Variants in LARS2 observed in about 807,000 individuals in gnomAD.
The protein encoded by LARS2 is leucyl-tRNA synthetase 2, mitochondrial, also known as leucine--tRNA ligase, mitochondrial.
A neutral mutation model predicts 116.6 loss-of-function variants in LARS2; 81 were observed. The ratio of observed to expected loss-of-function variants is 0.69; its 90% confidence interval spans 0.58 to 0.84. The LOEUF (loss-of-function observed/expected upper bound fraction) is 0.84, where lower values mean the gene tolerates loss of function less well. LARS2 is among the 40% of genes least tolerant of loss of function. The pLI, the probability that LARS2 is intolerant of heterozygous loss-of-function variation, is 0.00. For missense variants in LARS2, 968 were observed against 1,114.5 expected (o/e 0.87, Z 1.87); for synonymous variants, 396 against 407.2 (o/e 0.97, Z 0.33).
intron 8 of LARS2, among the ~76,000 whole-genome samples, chr3:45,473,393 T>G (rs1699559781): frequency 2.8e-5 from 2 of 71,728 alleles, no homozygotes; most frequent in Non-Finnish European, 6.3e-5. Flanking sequence ...TTGTTTTTTG[T>G]TTTTTTTTTG....
At chr3:45,416,539 G>A (rs116030648) in intron 4 of LARS2, among the ~76,000 whole-genome samples, 4,326 of 152,284 alleles carry the variant, frequency 0.028, 78 homozygotes, top group Middle Eastern at 0.058. Context: ...AGAGCCACCA[G>A]TGTGGTCATT....
intron 1 of LARS2, among the ~76,000 whole-genome samples, chr3:45,389,261 T>C (rs1697897197): frequency 6.6e-6 from 1 of 152,172 alleles, no homozygotes; most frequent in Non-Finnish European, 1.5e-5. Flanking sequence ...TTTTTTTTTT[T>C]CTGCCTCCTA....
intron 15 of LARS2, among the ~76,000 whole-genome samples, chr3:45,500,948 C>T (rs1231384591): frequency 1.3e-5 from 2 of 151,916 alleles, no homozygotes; most frequent in African/African-American, 4.8e-5. Context: ...GGCTGAATCC[C>T]ACCTTGATGC....
chr3:45,513,219 G>A lies in LARS2; in HGVS notation c.1845G>A (p.Glu615=), dbSNP rs376209821. 3 of 1,610,152 alleles carry A rather than the reference G, an allele frequency of 1.9e-6. No individual in the cohort carries two copies. Among genetic ancestry groups the A allele is most frequent in the Non-Finnish European group, 2.6e-6 (3 of 1,176,430 alleles). The stretch of plus-strand genomic sequence containing the variant: ...CATCTGGACAGTATCTACAGAGAGA[G>A]GAAGTGGATCTCACAGGTAAGAATG... ...RLPSGQYLQR[E]EVDLTGSVPV... The change falls in exon 16 of 22, where the codon GAG becomes GAA. Residue 615 remains glutamate, a synonymous_variant. Transcript: ENST00000645846.
At chr3:45,498,107 T>A (rs1397016729) in intron 14 of LARS2, among the ~76,000 whole-genome samples, 1 of 152,148 alleles carries the variant, frequency 6.6e-6, no homozygotes, top group African/African-American at 2.4e-5. Context: ...TGGCTTAGAA[T>A]GCAAGTGAGG....
chr3:45,443,928 C>T (rs182795839), intron 6 of LARS2, among the ~76,000 whole-genome samples: 147 of 152,020 alleles, frequency 9.7e-4, no homozygotes, highest in African/African-American at 3.2e-3. Flanking sequence ...AATGCCCTTT[C>T]GTTACAGGTT....
intron 20 of LARS2, among the ~76,000 whole-genome samples, chr3:45,530,424 G>T (rs1365679190): frequency 6.6e-6 from 1 of 152,142 alleles, no homozygotes. Flanking sequence ...GGAGGCTGAG[G>T]CAGGAGAGTT....
chr3:45,402,991 G>A (rs1380477518), intron 4 of LARS2, among the ~76,000 whole-genome samples: 6 of 151,580 alleles, frequency 4.0e-5, no homozygotes, highest in Non-Finnish European at 7.4e-5. Context: ...TGTAATCTGA[G>A]CTACTCGGGA....
chr3:45,399,463 GT>G, intron 3 of LARS2, among the ~76,000 whole-genome samples: 1 of 143,250 alleles, frequency 7.0e-6, no homozygotes, highest in East Asian at 2.0e-4. Context: ...AAAGAGAAGT[GT>G]TTTTTTGTTT....
At chr3:45,435,296 G>GGGAT (rs1698780105) in intron 6 of LARS2, among the ~76,000 whole-genome samples, 1 of 152,110 alleles carries the variant, frequency 6.6e-6, no homozygotes, top group Admixed American at 6.5e-5. Flanking sequence ...CACCAAGAGG[G>GGGAT]GGATGGATTG....
chr3:45,394,075 A>G (rs1045818735), intron 2 of LARS2, among the ~76,000 whole-genome samples: 1 of 152,170 alleles, frequency 6.6e-6, no homozygotes, highest in Non-Finnish European at 1.5e-5. Flanking sequence ...GCTTGAAGAC[A>G]TAAGAAGTGA....
chr3:45,540,216 G>A (rs1169535615), intron 20 of LARS2, among the ~76,000 whole-genome samples: 10 of 151,560 alleles, frequency 6.6e-5, no homozygotes, highest in Admixed American at 2.0e-4. Flanking sequence ...CCAAGATCGC[G>A]CCACTGCACT....
intron 12 of LARS2, among the ~76,000 whole-genome samples, chr3:45,489,949 C>T (rs1303832985): frequency 6.6e-6 from 1 of 152,154 alleles, no homozygotes; most frequent in Non-Finnish European, 1.5e-5. Context: ...CTTACAGGTC[C>T]CATCTTGGCT....
intron 13 of LARS2, among the ~76,000 whole-genome samples, chr3:45,493,216 C>T (rs1699953714): frequency 6.6e-6 from 1 of 152,150 alleles, no homozygotes; most frequent in Non-Finnish European, 1.5e-5. Context: ...TATCCTGCCT[C>T]AGCCTCCCGA....
At chr3:45,547,230 C>T in intron 21 of LARS2, 121 bp from the exon 22 acceptor site, 1 of 873,324 alleles carries the variant, frequency 1.1e-6, no homozygotes, top group East Asian at 2.6e-5. Context: ...CTTTCTCCAC[C>T]TCTATTCCTT....
intron 1 of LARS2, chr3:45,388,938 CCCT>C (rs1388667411): frequency 4.6e-5 from 7 of 152,212 alleles, no homozygotes; most frequent in African/African-American, 1.7e-4. Flanking sequence ...ACTCAAGCTC[CCCT>C]CTCCACTACT....
At chr3:45,449,088 G>A (rs1165656873) in intron 7 of LARS2, among the ~76,000 whole-genome samples, 5 of 152,118 alleles carry the variant, frequency 3.3e-5, no homozygotes, top group Admixed American at 2.0e-4. Context: ...ATCATCCTAC[G>A]GTAGAAGGTG....
rs994713309 is a variant in LARS2 at position 45,547,687 on chromosome 3, C to T, written c.*157C>T. The T allele has an allele frequency of 4.3e-5, 28 of 653,906 alleles. No individual in the cohort carries two copies. Among genetic ancestry groups the T allele is most frequent in the Non-Finnish European group, 7.2e-5 (28 of 390,534 alleles). The allele number at this position is 653,906 out of a possible 1,614,324, so 40.5% of individuals were successfully genotyped here. On this transcript the variant is annotated 3_prime_UTR_variant, in exon 22 of 22. Coordinates refer to ENST00000645846, the MANE Select transcript of LARS2 (RefSeq NM_015340.4). ...GCAGACTGCAGTCAACAGTGTGCCT[C>T]TGTAGTGTGGCCTGGTGCTGGGGTG...
At chr3:45,541,044 A>G (rs1575322677) in intron 20 of LARS2, among the ~76,000 whole-genome samples, 1 of 152,154 alleles carries the variant, frequency 6.6e-6, no homozygotes, top group East Asian at 1.9e-4. Context: ...AGCCTTCCAA[A>G]GTGCTGAGAT....
Sources: allele counts gnomAD v4.1 joint callset (sites outside exome capture counted in the v4.1 genomes callset), GRCh38; gene constraint gnomAD v4.1.1; transcripts MANE v1.5; gene names NCBI Gene and HGNC (gene_info 2026-07-23, HGNC 2026-07-21).